DAB1: variants seen among roughly 807,000 people sequenced by gnomAD.
DAB1 encodes disabled homolog 1.
A neutral mutation model predicts 64.6 loss-of-function variants in DAB1; 15 were observed. The ratio of observed to expected loss-of-function variants is 0.23; its 90% CI spans 0.16 to 0.36. The LOEUF (loss-of-function observed/expected upper bound fraction) is 0.36, where lower values mean the gene tolerates loss of function less well. Among genes scored for constraint, DAB1 ranks in the 10% least tolerant of loss-of-function variants. DAB1 has a pLI of 1.00. For synonymous variants in DAB1, 235 were observed against 251.9 expected, an observed-to-expected ratio of 0.93 and a Z score of 0.64; for missense variants, 596 against 706.7, an observed-to-expected ratio of 0.84 and a Z score of 1.78.
intron 2 of DAB1, among the ~76,000 whole-genome samples, chr1:57,234,995 G>A (rs753538510): frequency 1.3e-5 from 2 of 152,168 alleles, no homozygotes; most frequent in Non-Finnish European, 2.9e-5. Flanking sequence ...AAGGACCTAC[G>A]TGATTAGATT....
At chr1:58,373,820 C>A (rs1310657035) in intron 3 of DAB1, among the ~76,000 whole-genome samples, 2 of 150,480 alleles carry the variant, frequency 1.3e-5, no homozygotes, top group African/African-American at 4.9e-5. Context: ...TCCTATTTCT[C>A]CACATCCTCT....
At chr1:57,986,457 T>C (rs1253440312) in intron 5 of DAB1, among the ~76,000 whole-genome samples, 2 of 152,172 alleles carry the variant, frequency 1.3e-5, no homozygotes, top group Non-Finnish European at 2.9e-5. Context: ...TGATCTTGAA[T>C]TTCCCAGCCT....
intron 1 of DAB1, among the ~76,000 whole-genome samples, chr1:57,872,976 A>G (rs1170942508): frequency 2.6e-5 from 4 of 152,130 alleles, no homozygotes. Context: ...CTGGATGGTT[A>G]GAGAACAAGA....
chr1:58,355,984 A>C (rs1644107352), intron 3 of DAB1, among the ~76,000 whole-genome samples: 1 of 152,188 alleles, frequency 6.6e-6, no homozygotes, highest in South Asian at 2.1e-4. Context: ...AGGACCACTC[A>C]TTAGGGAGAG....
At position 57,168,055 on chromosome 1, in the gene DAB1, G is replaced by A. The variant is rs151213348; in HGVS notation, c.68-22626C>T. On this transcript the variant is annotated intron_variant, in intron 2 of 14. Transcript: ENST00000371236. ...AAGTTGCAGATAATATTTCTAAAAT[G>A]TCGTAACAGTCACCACACTCATATC... Among the ~76,000 whole-genome samples, 867 of 152,232 alleles carry A rather than the reference G, an allele frequency of 5.7e-3. 6 individuals carry two copies. The highest frequency in any genetic ancestry group is 0.02 in the African/African-American group (822 of 41,536).
intron 5 of DAB1, among the ~76,000 whole-genome samples, chr1:57,951,676 C>T (rs1202790): frequency 0.6 from 91,640 of 151,760 alleles, 28,373 homozygotes; most frequent in African/African-American, 0.69. Context: ...ATTGAGGTAA[C>T]GCTCATAACT....
At chr1:58,394,203 A>G (rs1644500047) in intron 3 of DAB1, among the ~76,000 whole-genome samples, 1 of 152,208 alleles carries the variant, frequency 6.6e-6, no homozygotes, top group Non-Finnish European at 1.5e-5. Flanking sequence ...AAAAATAAAA[A>G]GACTGATAAT....
chr1:57,514,671 G>A (rs1019690755), intron 7 of DAB1, among the ~76,000 whole-genome samples: 1 of 152,126 alleles, frequency 6.6e-6, no homozygotes, highest in Non-Finnish European at 1.5e-5. Context: ...AGTGCCTCTG[G>A]GGGGATGTTT....
chr1:57,607,058 A>G (rs1645664945), intron 7 of DAB1, among the ~76,000 whole-genome samples: 1 of 18,050 alleles, frequency 5.5e-5, no homozygotes, highest in East Asian at 0.071. Flanking sequence ...ATGTGCTGGG[A>G]TTACAGGTGT....
chr1:57,927,729 C>T (rs1644899410), intron 5 of DAB1, among the ~76,000 whole-genome samples: 1 of 152,112 alleles, frequency 6.6e-6, no homozygotes, highest in Non-Finnish European at 1.5e-5. Flanking sequence ...TTCCTTAAAA[C>T]AATGCATACC....
At chr1:58,335,124 G>C (rs914053683) in intron 4 of DAB1, among the ~76,000 whole-genome samples, 1 of 152,186 alleles carries the variant, frequency 6.6e-6, no homozygotes, top group Non-Finnish European at 1.5e-5. Flanking sequence ...AAGCCCTCTT[G>C]AAAGGAACAT....
At chr1:57,900,725 C>T (rs1644460287) in intron 5 of DAB1, among the ~76,000 whole-genome samples, 1 of 152,146 alleles carries the variant, frequency 6.6e-6, no homozygotes, top group African/African-American at 2.4e-5. Flanking sequence ...ATGATGGGTC[C>T]CCTTGATGAT....
At position 57,605,966 on chromosome 1, in the gene DAB1, G is replaced by A. The variant is rs1024328108; in HGVS notation, n.625+43626C>T. 3 of 684,628 alleles carry A rather than the reference G, an allele frequency of 4.4e-6. No individual in the cohort carries two copies. In the African/African-American group the frequency reaches 5.3e-5, roughly 12 times the overall value. 42.4% of individuals were successfully genotyped at this position (684,628 alleles called of 1,614,324 possible). On this transcript the variant is annotated intron_variant and non_coding_transcript_variant, in intron 7 of 20. Transcript: ENST00000485760. ...AAGAGTCACTTGTGGATTCTCATCTGGAAACGACCTCATGTCTTAGAACCT... is the reference window on the plus strand; with the variant it reads ...AAGAGTCACTTGTGGATTCTCATCTAGAAACGACCTCATGTCTTAGAACCT...
chr1:58,143,961 CT>C, intron 5 of DAB1, among the ~76,000 whole-genome samples: 1 of 152,302 alleles, frequency 6.6e-6, no homozygotes. Flanking sequence ...TCCTTACTGC[CT>C]TTTTCCTCCA....
chr1:57,757,198 ATT>A (rs375166170), intron 6 of DAB1, among the ~76,000 whole-genome samples: 44 of 90,066 alleles, frequency 4.9e-4, no homozygotes, highest in South Asian at 1.2e-3. Context: ...CAGGGGCAGA[ATT>A]TTTTTTTTTT....
intron 5 of DAB1, among the ~76,000 whole-genome samples, chr1:58,088,048 T>C (rs1321386911): frequency 6.6e-6 from 1 of 152,228 alleles, no homozygotes; most frequent in Non-Finnish European, 1.5e-5. Context: ...GCATGTGTAG[T>C]AAAGTTCTTT....
intron 7 of DAB1, among the ~76,000 whole-genome samples, chr1:57,647,226 T>C (rs1329854798): frequency 6.6e-6 from 1 of 152,180 alleles, no homozygotes; most frequent in Admixed American, 6.5e-5. Flanking sequence ...CTGCCCTAGT[T>C]TACTTCATCA....
chr1:57,355,705 C>G (rs543939028), intron 1 of DAB1, among the ~76,000 whole-genome samples: 69 of 152,066 alleles, frequency 4.5e-4, no homozygotes, highest in African/African-American at 1.7e-3. Flanking sequence ...TGTAGGCAGG[C>G]CCGTGGACCT....
chr1:57,872,138 G>A (rs907241557), intron 1 of DAB1, among the ~76,000 whole-genome samples: 1 of 152,152 alleles, frequency 6.6e-6, no homozygotes, highest in African/African-American at 2.4e-5. Flanking sequence ...TACTTTAAAA[G>A]TTATTATTAT....
Sources: allele counts gnomAD v4.1 joint callset (sites outside exome capture counted in the v4.1 genomes callset), GRCh38; gene constraint gnomAD v4.1.1; transcripts MANE v1.5; gene names NCBI Gene and HGNC (gene_info 2026-07-23, HGNC 2026-07-21).